Variants in MARK1 observed in about 807,000 individuals in gnomAD.
MARK1 encodes the protein serine/threonine-protein kinase MARK1.
In MARK1, 40 loss-of-function variants were observed where a neutral mutation model predicts 96.3. The observed-to-expected ratio is 0.42, with a 90% CI of 0.32 to 0.54. The LOEUF is 0.54. Among genes scored for constraint, MARK1 ranks in the 20% least tolerant of loss-of-function variants. MARK1 has a pLI of 0.16. For synonymous variants in MARK1, 317 were observed against 341.2 expected, an observed-to-expected ratio of 0.93 and a Z score of 0.78; for missense variants, 719 against 984.6, an observed-to-expected ratio of 0.73 and a Z score of 3.61.
At chr1:220,563,669 T>C (rs1203255538) in intron 1 of MARK1, among the ~76,000 whole-genome samples, 1 of 152,130 alleles carries the variant, frequency 6.6e-6, no homozygotes, top group African/African-American at 2.4e-5. Context: ...CATAGCCCTT[T>C]GAAGAAGATA....
At chr1:220,653,033 G>C in intron 15 of MARK1, 68 bp from the exon 16 acceptor site, 1 of 1,577,448 alleles carries the variant, frequency 6.3e-7, no homozygotes, top group Admixed American at 1.7e-5. Flanking sequence ...TTTGTTTCAA[G>C]TTTTTAGCTT....
At chr1:220,539,255 T>C (rs1188979615) in intron 1 of MARK1, among the ~76,000 whole-genome samples, 1 of 152,204 alleles carries the variant, frequency 6.6e-6, no homozygotes, top group South Asian at 2.1e-4. Flanking sequence ...CAATACCTAA[T>C]TTATTGAGAG....
rs1053627883 is a variant in MARK1 at position 220,654,097 on chromosome 1, T to C, written c.1988+745T>C. ...CTAAAGATAGGTAAGATGGCATCTG[T>C]GCCCTCCAGATTCTTATAGTCTTGT... is the stretch of plus-strand genomic sequence containing the variant. On this transcript the variant is annotated intron_variant, in intron 16 of 17. Transcript: ENST00000366917. The surrounding 1 kb of genome is among the most constrained non-coding windows in gnomAD (Gnocchi z 4.0). Among the ~76,000 whole-genome samples, 3 of 152,196 alleles carry C rather than the reference T, an allele frequency of 2.0e-5. No homozygotes were observed. The highest frequency in any genetic ancestry group is 4.4e-5 in the Non-Finnish European group (3 of 68,030).
intron 9 of MARK1, among the ~76,000 whole-genome samples, chr1:220,623,385 T>G (rs979057303): frequency 1.1e-4 from 16 of 152,352 alleles, no homozygotes; most frequent in Middle Eastern, 3.4e-3. Flanking sequence ...TTTCTATGCT[T>G]TATTTTGGAA....
At chr1:220,656,203 C>T (rs960141568) in intron 16 of MARK1, among the ~76,000 whole-genome samples, 2 of 152,194 alleles carry the variant, frequency 1.3e-5, no homozygotes, top group Non-Finnish European at 2.9e-5. Flanking sequence ...CTCCATCTGC[C>T]TCCTACCATG....
chr1:220,609,517 C>G (rs74453691), intron 6 of MARK1, among the ~76,000 whole-genome samples: 1 of 152,126 alleles, frequency 6.6e-6, no homozygotes, highest in African/African-American at 2.4e-5. Context: ...CAATTTGCCA[C>G]TCTGTGTCTT....
intron 3 of MARK1, 115 bp downstream of exon 3, chr1:220,581,233 A>G (rs1338999183): frequency 1.6e-5 from 6 of 379,026 alleles, no homozygotes; most frequent in Non-Finnish European, 2.4e-5. Flanking sequence ...TTTCATCAAT[A>G]TAAGAAGAAA....
intron 1 of MARK1, among the ~76,000 whole-genome samples, chr1:220,556,371 A>G (rs1176552611): frequency 6.6e-6 from 1 of 151,172 alleles, no homozygotes; most frequent in Non-Finnish European, 1.5e-5. Context: ...TCGAGTAGAA[A>G]CCCCAAACTA....
intron 7 of MARK1, among the ~76,000 whole-genome samples, chr1:220,617,100 A>G (rs922189418): frequency 3.9e-5 from 6 of 152,154 alleles, no homozygotes; most frequent in African/African-American, 1.2e-4. Context: ...GAAATTTACA[A>G]TGACCAGCCC....
At chr1:220,579,085 G>A (rs1360669989) in intron 1 of MARK1, among the ~76,000 whole-genome samples, 2 of 151,892 alleles carry the variant, frequency 1.3e-5, no homozygotes, top group African/African-American at 2.4e-5. Flanking sequence ...CAAGTGAACC[G>A]CCTGCCTTGG....
intron 9 of MARK1, among the ~76,000 whole-genome samples, chr1:220,619,460 C>T (rs754135700): frequency 9.2e-5 from 14 of 151,942 alleles, no homozygotes; most frequent in Admixed American, 2.0e-4. Context: ...GGCGACAGAG[C>T]GAGACTCTAT....
intron 9 of MARK1, among the ~76,000 whole-genome samples, chr1:220,629,955 A>T (rs748620972): frequency 6.6e-6 from 1 of 152,116 alleles, no homozygotes; most frequent in African/African-American, 2.4e-5. Flanking sequence ...GTTTTTTTGG[A>T]TAAATACCCA....
chr1:220,598,288 G>GTT, intron 3 of MARK1, 43 bp from the exon 4 acceptor site: 7 of 515,822 alleles, frequency 1.4e-5, no homozygotes, highest in East Asian at 5.5e-5. Context: ...CTGCTTGCTT[G>GTT]TTTTTTTTTA....
At chr1:220,599,922 C>G in intron 5 of MARK1, 59 bp downstream of exon 5, 1 of 1,067,386 alleles carries the variant, frequency 9.4e-7, no homozygotes. Flanking sequence ...ATGTTAACAC[C>G]TAAGAGTTCA....
At chr1:220,581,203 C>A (rs929789058) in intron 3 of MARK1, 85 bp downstream of exon 3, 11 of 432,244 alleles carry the variant, frequency 2.5e-5, no homozygotes, top group Non-Finnish European at 4.1e-5. Flanking sequence ...TCTAAATTTT[C>A]TATTAGGTAC....
At chr1:220,545,206 G>A (rs1271241769) in intron 1 of MARK1, among the ~76,000 whole-genome samples, 1 of 152,196 alleles carries the variant, frequency 6.6e-6, no homozygotes, top group Non-Finnish European at 1.5e-5. Context: ...TGAGTGTGAA[G>A]TGGAGAAGAG....
intron 2 of MARK1, 30 bp from the exon 3 acceptor site, chr1:220,581,034 CA>C: frequency 1.0e-6 from 1 of 996,842 alleles, no homozygotes; most frequent in South Asian, 2.8e-5. Flanking sequence ...ATGCATTTTT[CA>C]AATAGAGTTT....
At chr1:220,537,354 T>C (rs1308822149) in intron 1 of MARK1, among the ~76,000 whole-genome samples, 1 of 151,014 alleles carries the variant, frequency 6.6e-6, no homozygotes, top group Non-Finnish European at 1.5e-5. Context: ...TTTTTTGTTC[T>C]TGCAATAGTT....
chr1:220,552,342 T>C (rs1425136494), intron 1 of MARK1, among the ~76,000 whole-genome samples: 1 of 152,206 alleles, frequency 6.6e-6, no homozygotes, highest in African/African-American at 2.4e-5. Flanking sequence ...TTCTATTTAT[T>C]GATTCCTGAA....
Sources: gnomAD v4.1 joint callset for allele counts (sites outside exome capture counted in the v4.1 genomes callset) on GRCh38, gnomAD v4.1.1 for gene constraint, Gnocchi (gnomAD v3.1) non-coding constraint, MANE v1.5 for transcripts, NCBI Gene and HGNC (gene_info 2026-07-23, HGNC 2026-07-21) for gene names.